The following MTCL2 variants were observed in gnomAD, a reference collection of about 807,000 sequenced individuals.
MTCL2 encodes the protein microtubule crosslinking factor 2, also known as microtubule cross-linking factor 2.
chr20:36,844,240 AAAAAT>A, the MTCL2 span, among the ~76,000 whole-genome samples: 53 of 151,676 alleles, frequency 3.5e-4, no homozygotes, highest in African/African-American at 1.1e-3. Context: ...TGTCTCAGAA[AAAAAT>A]AAAATAAAAT....
At chr20:36,860,373 T>C in the MTCL2 span, among the ~76,000 whole-genome samples, 1 of 152,174 alleles carries the variant, frequency 6.6e-6, no homozygotes, top group East Asian at 1.9e-4. Flanking sequence ...GTATGACTAT[T>C]GTTTAATTCT....
chr20:36,809,380 G>A, the MTCL2 span, among the ~76,000 whole-genome samples: 1 of 152,160 alleles, frequency 6.6e-6, no homozygotes, highest in African/African-American at 2.4e-5. Context: ...CTATTATCTT[G>A]ATTAGAAGCC....
At chr20:36,786,239 A>G in the MTCL2 span, 2 of 1,165,972 alleles carry the variant, frequency 1.7e-6, no homozygotes, top group Non-Finnish European at 2.1e-6. Flanking sequence ...TGGGAAGCCC[A>G]GGTTTGGTCT....
chr20:36,835,342 T>C, the MTCL2 span, among the ~76,000 whole-genome samples: 5 of 152,042 alleles, frequency 3.3e-5, no homozygotes, highest in Non-Finnish European at 7.4e-5. Flanking sequence ...GTTTTATTCA[T>C]GACCCCCCAC....
At chr20:36,788,869 C>T in the MTCL2 span, among the ~76,000 whole-genome samples, 2 of 147,428 alleles carry the variant, frequency 1.4e-5, no homozygotes, top group African/African-American at 5.1e-5. Flanking sequence ...TGCAATGATG[C>T]GATCTCAGCT....
the MTCL2 span, chr20:36,808,786 T>G: frequency 2.2e-5 from 33 of 1,511,780 alleles, no homozygotes; most frequent in African/African-American, 4.4e-4. Context: ...GGCCCTGTCC[T>G]CTCCCCCACC....
chr20:36,832,841 T>A, the MTCL2 span, among the ~76,000 whole-genome samples: 1 of 151,404 alleles, frequency 6.6e-6, no homozygotes, highest in Non-Finnish European at 1.5e-5. Context: ...ATACTTTGTC[T>A]CAGAAAAAGA....
chr20:36,857,163 TTG>T, the MTCL2 span, among the ~76,000 whole-genome samples: 2 of 152,184 alleles, frequency 1.3e-5, no homozygotes, highest in South Asian at 2.1e-4. Flanking sequence ...CTGTGTGGGT[TTG>T]TGTCTCCGCC....
the MTCL2 span, chr20:36,794,581 G>A: frequency 6.2e-7 from 1 of 1,614,010 alleles, no homozygotes; most frequent in Non-Finnish European, 8.5e-7. The surrounding 1 kb of genome is among the most constrained non-coding windows in gnomAD (Gnocchi z 5.4). Context: ...ACTCAGACAT[G>A]GAAGAAACAG....
the MTCL2 span, among the ~76,000 whole-genome samples, chr20:36,849,533 A>G: frequency 6.6e-6 from 1 of 151,270 alleles, no homozygotes; most frequent in Non-Finnish European, 1.5e-5. Flanking sequence ...CTCTTGGACT[A>G]AAGTCATCCT....
At chr20:36,817,547 G>T in the MTCL2 span, 1 of 1,399,432 alleles carries the variant, frequency 7.1e-7, no homozygotes, top group Non-Finnish European at 9.6e-7. Context: ...GCAGAGAGCT[G>T]TCACAGTGCC....
At chr20:36,854,919 G>A in the MTCL2 span, among the ~76,000 whole-genome samples, 8 of 152,306 alleles carry the variant, frequency 5.3e-5, no homozygotes, top group South Asian at 2.1e-4. Context: ...ACACGACGCC[G>A]TGGGGGAGGG....
chr20:36,854,330 A>G, the MTCL2 span, among the ~76,000 whole-genome samples: 1 of 152,094 alleles, frequency 6.6e-6, no homozygotes, highest in Non-Finnish European at 1.5e-5. Flanking sequence ...TTACCCCATT[A>G]ATAATCTAAT....
chr20:36,815,576 G>A, the MTCL2 span: 5 of 1,574,276 alleles, frequency 3.2e-6, no homozygotes, highest in East Asian at 2.3e-5. The surrounding 1 kb of genome is among the most constrained non-coding windows in gnomAD (Gnocchi z 5.3). Flanking sequence ...CAGAGTCCCC[G>A]GCCTCGGCGT....
chr20:36,829,400 T>C, the MTCL2 span, among the ~76,000 whole-genome samples: 1 of 151,458 alleles, frequency 6.6e-6, no homozygotes, highest in East Asian at 1.9e-4. Flanking sequence ...AAGGAAGCAG[T>C]AGAACCAAAA....
the MTCL2 span, among the ~76,000 whole-genome samples, chr20:36,861,686 C>T: frequency 5.9e-5 from 9 of 152,228 alleles, no homozygotes; most frequent in Non-Finnish European, 1.3e-4. Context: ...CAAAACCGTG[C>T]CCAGCCAGCG....
the MTCL2 span, chr20:36,817,356 A>T: frequency 1.3e-6 from 2 of 1,496,162 alleles, no homozygotes; most frequent in Non-Finnish European, 1.8e-6. Flanking sequence ...ACTTAGAGTC[A>T]GGCTCAGGTC....
the MTCL2 span, among the ~76,000 whole-genome samples, chr20:36,806,811 C>T: frequency 1.3e-5 from 2 of 152,178 alleles, no homozygotes; most frequent in Non-Finnish European, 2.9e-5. Context: ...TGAGCCACTG[C>T]ACCTAGCCAA....
the MTCL2 span, chr20:36,863,117 T>C: frequency 7.2e-7 from 1 of 1,397,728 alleles, no homozygotes; most frequent in Non-Finnish European, 9.3e-7. This position sits in a 1 kb window ranked among gnomAD's most constrained non-coding sequence, Gnocchi z 6.2. Context: ...CGGGAGCCAC[T>C]GCGCGCCCCT....
Sources: allele counts gnomAD v4.1 joint callset (sites outside exome capture counted in the v4.1 genomes callset), GRCh38; gene constraint gnomAD v4.1.1; non-coding constraint Gnocchi (gnomAD v3.1); transcripts MANE v1.5; gene names NCBI Gene and HGNC (gene_info 2026-07-23, HGNC 2026-07-21).